Variants in DAAM2 observed in about 807,000 individuals in gnomAD.
DAAM2 encodes the protein disheveled-associated activator of morphogenesis 2.
In DAAM2, 39 loss-of-function variants were observed where a neutral mutation model predicts 120.7. The ratio of observed to expected loss-of-function variants is 0.32; its 90% CI spans 0.25 to 0.42. The LOEUF (loss-of-function observed/expected upper bound fraction) is 0.42, where lower values mean the gene tolerates loss of function less well. Ranked by LOEUF, DAAM2 falls within the 10% of genes least tolerant of loss-of-function variation. The pLI is 1.00. For missense variants in DAAM2, 1,283 were observed against 1,401.7 expected (o/e 0.92, Z 1.35); for synonymous variants, 488 against 524.9 (o/e 0.93, Z 0.96).
At chr6:39,890,212 C>T (rs1004371372) in intron 17 of DAAM2, among the ~76,000 whole-genome samples, 6 of 152,108 alleles carry the variant, frequency 3.9e-5, no homozygotes, top group African/African-American at 9.7e-5. Flanking sequence ...ATTGTCTTCA[C>T]GCTGAGGAGG....
chr6:39,807,628 C>T (rs1187866415), intron 1 of DAAM2, among the ~76,000 whole-genome samples: 1 of 152,066 alleles, frequency 6.6e-6, no homozygotes, highest in African/African-American at 2.4e-5. Flanking sequence ...GTGATTCTCC[C>T]ACCTCAGCCT....
At chr6:39,870,768 G>A (rs1446383288) in intron 8 of DAAM2, among the ~76,000 whole-genome samples, 1 of 152,198 alleles carries the variant, frequency 6.6e-6, no homozygotes, top group African/African-American at 2.4e-5. Context: ...GGTATTGGTT[G>A]TTGGGGGCCA....
Position 39,867,585 on chromosome 6 carries a change from C to G in DAAM2, c.504C>G (p.Thr168=), listed in dbSNP as rs756942833. The G allele has an allele frequency of 3.1e-6, 5 of 1,613,942 alleles. No individual in the cohort carries two copies. The highest frequency in any genetic ancestry group is 4.2e-6 in the Non-Finnish European group (5 of 1,179,918). ...LNFLRSMDHA[T]CESRIHTSLI... is the part of the protein sequence containing the mutation. ...TCCTCCGGAGCATGGACCACGCCAC[C>G]TGTGAGAGCCGCATCCACACCTCAC... is the stretch of plus-strand genomic sequence containing the variant. Residue 168 remains threonine, a synonymous_variant, in exon 6 of 25, where the codon ACC becomes ACG. Coordinates refer to ENST00000274867, the MANE Select transcript of DAAM2 (RefSeq NM_001201427.2).
At chr6:39,879,630 C>A in intron 14 of DAAM2, 153 bp downstream of exon 14, 2 of 981,462 alleles carry the variant, frequency 2.0e-6, no homozygotes, top group Non-Finnish European at 3.2e-6. Context: ...AGTGGGTTTG[C>A]TGTGCCAGGC....
chr6:39,811,149 A>G (rs1333280884), intron 1 of DAAM2, among the ~76,000 whole-genome samples: 1 of 150,522 alleles, frequency 6.6e-6, no homozygotes, highest in Non-Finnish European at 1.5e-5. Context: ...TTTGATTTGC[A>G]TTTGTAAGCC....
intron 20 of DAAM2, 68 bp from the exon 21 acceptor site, chr6:39,897,107 C>T: frequency 1.3e-6 from 2 of 1,500,408 alleles, no homozygotes; most frequent in Non-Finnish European, 1.8e-6. Flanking sequence ...ACACTCCATC[C>T]TCTGACCCTC....
rs1413016580 is a variant in DAAM2, at chr6:39,864,417, C to T, written c.259-16C>T. The T allele has an allele frequency of 6.2e-7, 1 of 1,610,592 alleles. No individual in the cohort carries two copies. The highest frequency in any genetic ancestry group is 1.7e-5 in the Admixed American group (1 of 59,832). ...GTCTTGCCTGTTGGTCCATGCTGTC[C>T]TTTTTCTTGTTTCAGGAGCAGGAGG... On this transcript the variant is annotated splice_polypyrimidine_tract_variant and intron_variant, in intron 3 of 24. Transcript: ENST00000274867.
At chr6:39,897,471 A>T in intron 21 of DAAM2, 189 bp downstream of exon 21, 1 of 522,828 alleles carries the variant, frequency 1.9e-6, no homozygotes, top group South Asian at 2.2e-5. Context: ...GTATTGCAAA[A>T]GAAGATATCT....
At chr6:39,882,455 A>T (rs1765163482) in intron 14 of DAAM2, 1 of 151,984 alleles carries the variant, frequency 6.6e-6, no homozygotes, top group Non-Finnish European at 1.5e-5. Context: ...CCCCAGCCTC[A>T]CCAAGAATAG....
chr6:39,815,769 T>A (rs1453075105), intron 1 of DAAM2, among the ~76,000 whole-genome samples: 1 of 152,132 alleles, frequency 6.6e-6, no homozygotes, highest in Non-Finnish European at 1.5e-5. Context: ...CAATTCAGAA[T>A]TGAGCACTGG....
chr6:39,830,968 C>T (rs1261361668), intron 1 of DAAM2, among the ~76,000 whole-genome samples: 2 of 152,196 alleles, frequency 1.3e-5, no homozygotes, highest in African/African-American at 4.8e-5. Flanking sequence ...GGCATATTTA[C>T]AAATGTTGCC....
intron 1 of DAAM2, among the ~76,000 whole-genome samples, chr6:39,833,084 C>T (rs540866159): frequency 6.6e-6 from 1 of 152,242 alleles, no homozygotes; most frequent in South Asian, 2.1e-4. Flanking sequence ...CGTGACCTTT[C>T]CCCAACCCTG....
intron 1 of DAAM2, chr6:39,849,024 A>G (rs1763705866): frequency 6.6e-6 from 1 of 152,264 alleles, no homozygotes; most frequent in Non-Finnish European, 1.5e-5. Context: ...AGATAGTACA[A>G]GTGAGGAGCC....
intron 1 of DAAM2, among the ~76,000 whole-genome samples, chr6:39,826,447 C>A (rs940376465): frequency 6.6e-6 from 1 of 152,048 alleles, no homozygotes; most frequent in Non-Finnish European, 1.5e-5. Context: ...GGAGAAGCCA[C>A]TTAGGGTTTT....
intron 1 of DAAM2, among the ~76,000 whole-genome samples, chr6:39,839,867 A>G (rs1433742566): frequency 6.6e-6 from 1 of 152,182 alleles, no homozygotes; most frequent in Non-Finnish European, 1.5e-5. Context: ...ATAATCTATA[A>G]AATAGAGAAC....
rs1766376493 is a variant in DAAM2, at chr6:39,899,995, T to C, written c.2680-82T>C. Reference sequence around the variant, plus strand: ...TCCAAAGGGCTCAATGTCCTGTGAGTGACGAGGGGAGATGTGGTGACCCCT... The same window carrying C: ...TCCAAAGGGCTCAATGTCCTGTGAGCGACGAGGGGAGATGTGGTGACCCCT... On this transcript the variant is annotated intron_variant, in intron 22 of 24. Coordinates refer to ENST00000274867, the MANE Select transcript of DAAM2 (RefSeq NM_001201427.2). 3.4e-6 allele frequency: 5 copies of C among 1,450,922 alleles called. No homozygotes were observed. The East Asian group carries it at 1.2e-4, about 36-fold the overall frequency. 89.9% of individuals were successfully genotyped at this position (1,450,922 alleles called of 1,614,324 possible).
chr6:39,848,152 ACTT>A (rs1391999309), intron 1 of DAAM2, among the ~76,000 whole-genome samples: 1 of 151,874 alleles, frequency 6.6e-6, no homozygotes, highest in Non-Finnish European at 1.5e-5. Context: ...CTTCATTGAC[ACTT>A]CTTCTGGTGA....
At position 39,879,589 on chromosome 6, in the gene DAAM2, G is replaced by C. The variant is rs753100243; in HGVS notation, c.1845+112G>C. ...CTCCACTCTGGGTCCTTTCTTTGGT[G>C]GGGGGTAAGGGCAGTCATGTGGATG... On this transcript the variant is annotated intron_variant, in intron 14 of 24. Transcript: ENST00000274867. 1.4e-5 allele frequency: 20 copies of C among 1,403,918 alleles called. No homozygotes were observed. In the East Asian group the frequency reaches 3.6e-4, roughly 26 times the overall value. The allele number at this position is 1,403,918 out of a possible 1,614,324, so 87.0% of individuals were successfully genotyped here.
chr6:39,855,594 T>C (rs2149281578), intron 1 of DAAM2, among the ~76,000 whole-genome samples: 1 of 152,306 alleles, frequency 6.6e-6, no homozygotes, highest in Non-Finnish European at 1.5e-5. Flanking sequence ...GCCGCCTCCT[T>C]CTAGAAGGAT....
Sources: gnomAD v4.1 joint callset for allele counts (sites outside exome capture counted in the v4.1 genomes callset) on GRCh38, gnomAD v4.1.1 for gene constraint, MANE v1.5 for transcripts, NCBI Gene and HGNC (gene_info 2026-07-23, HGNC 2026-07-21) for gene names.